The following DAB1 variants were observed in gnomAD, a reference collection of about 807,000 sequenced individuals.
DAB1 encodes the protein DAB adaptor protein 1, also known as disabled homolog 1.
A neutral mutation model predicts 64.6 loss-of-function variants in DAB1; 15 were observed. The observed-to-expected ratio is 0.23, with a 90% CI of 0.16 to 0.36. The LOEUF (loss-of-function observed/expected upper bound fraction) is 0.36, where lower values mean the gene tolerates loss of function less well. Ranked by LOEUF, DAB1 falls within the 10% of genes least tolerant of loss-of-function variation. The pLI, the probability that DAB1 is intolerant of heterozygous loss-of-function variation, is 1.00. For synonymous variants in DAB1, 235 were observed against 251.9 expected, an observed-to-expected ratio of 0.93 and a Z score of 0.64; for missense variants, 596 against 706.7, an observed-to-expected ratio of 0.84 and a Z score of 1.78.
At chr1:57,702,532 T>A (rs1304865306) in intron 6 of DAB1, among the ~76,000 whole-genome samples, 1 of 152,162 alleles carries the variant, frequency 6.6e-6, no homozygotes, top group East Asian at 1.9e-4. Context: ...TCTACCTCTA[T>A]GTTGGCATAA....
chr1:58,248,862 A>T (rs1265023546), intron 4 of DAB1, among the ~76,000 whole-genome samples: 1 of 152,140 alleles, frequency 6.6e-6, no homozygotes, highest in Non-Finnish European at 1.5e-5. Flanking sequence ...TTCCTTTTGC[A>T]CCCATTTAAT....
At chr1:58,211,919 C>T (rs1417677680) in intron 4 of DAB1, among the ~76,000 whole-genome samples, 3 of 152,090 alleles carry the variant, frequency 2.0e-5, no homozygotes, top group Non-Finnish European at 4.4e-5. Context: ...GGGGATGATC[C>T]ACAAGGCCAA....
In DAB1 at chr1:57,976,955, T is replaced by C. The variant is rs546711005; in HGVS notation, n.388-92793A>G. Among the ~76,000 whole-genome samples the C allele has an allele frequency of 5.9e-5, 9 of 152,272 alleles. No individual in the cohort carries two copies. In the East Asian group the frequency reaches 1.7e-3, roughly 29 times the overall value. Reference sequence around the variant, plus strand: ...AGTAATCTGGATTACCACAATAAGATGCCTCTGGTCTCCTAACACTCATGA... The same window carrying C: ...AGTAATCTGGATTACCACAATAAGACGCCTCTGGTCTCCTAACACTCATGA... On this transcript the variant is annotated intron_variant and non_coding_transcript_variant, in intron 5 of 20. Coordinates refer to the DAB1 transcript ENST00000485760.
At chr1:57,565,027 G>T (rs1645100672) in intron 7 of DAB1, among the ~76,000 whole-genome samples, 2 of 152,212 alleles carry the variant, frequency 1.3e-5, no homozygotes, top group Admixed American at 1.3e-4. Flanking sequence ...CAGAGAGAAA[G>T]GTCGGGTTAC....
intron 9 of DAB1, among the ~76,000 whole-genome samples, chr1:57,054,807 A>T (rs1479347779): frequency 6.6e-6 from 1 of 152,166 alleles, no homozygotes; most frequent in African/African-American, 2.4e-5. Context: ...AGTCACAAAA[A>T]AGTCAAGATA....
At chr1:58,545,813 T>C (rs1226419928) in intron 1 of DAB1, among the ~76,000 whole-genome samples, 2 of 152,206 alleles carry the variant, frequency 1.3e-5, no homozygotes, top group African/African-American at 4.8e-5. Context: ...AAATAGGACA[T>C]GTACTTTAAA....
intron 5 of DAB1, among the ~76,000 whole-genome samples, chr1:57,996,499 C>T (rs185510226): frequency 3.0e-4 from 45 of 152,226 alleles, no homozygotes; most frequent in African/African-American, 1.1e-3. Context: ...TTGAAATTCA[C>T]GTTCTTTATC....
chr1:57,306,304 G>A (rs571228907), intron 1 of DAB1, among the ~76,000 whole-genome samples: 2 of 152,086 alleles, frequency 1.3e-5, no homozygotes, highest in Admixed American at 6.5e-5. Context: ...ATGAGCCTGA[G>A]GGCTACCTGA....
intron 6 of DAB1, among the ~76,000 whole-genome samples, chr1:57,697,609 C>T (rs951501660): frequency 3.9e-5 from 6 of 152,052 alleles, no homozygotes; most frequent in Non-Finnish European, 7.4e-5. Context: ...ATAATACAGA[C>T]TTACTGAATT....
intron 4 of DAB1, among the ~76,000 whole-genome samples, chr1:58,282,824 C>T (rs759407997): frequency 2.6e-5 from 4 of 152,146 alleles, no homozygotes; most frequent in Non-Finnish European, 4.4e-5. Context: ...GAAGAGGGAG[C>T]GACTGCTCCC....
At position 57,069,340 on chromosome 1, in the gene DAB1, A is replaced by G. The variant is rs1187339671; in HGVS notation, c.663+20T>C. ...GTACTAGTAGTGGTGCAATGGTAAG[A>G]GAGGCAAGCAATTTTATACCTGATA... On this transcript the variant is annotated intron_variant, in intron 8 of 14. Coordinates refer to ENST00000371236, the MANE Select transcript of DAB1 (RefSeq NM_001365792.1). 1.2e-6 allele frequency: 2 copies of G among 1,602,996 alleles called. No individual in the cohort carries two copies. The highest frequency in any genetic ancestry group is 8.5e-7 in the Non-Finnish European group (1 of 1,170,086).
intron 6 of DAB1, among the ~76,000 whole-genome samples, chr1:57,724,505 T>A (rs1286572798): frequency 3.3e-5 from 5 of 152,194 alleles, no homozygotes; most frequent in African/African-American, 9.7e-5. Flanking sequence ...GAATGCCTAT[T>A]AACTTTTGCA....
intron 2 of DAB1, among the ~76,000 whole-genome samples, chr1:57,211,081 C>T (rs1311378856): frequency 6.6e-6 from 1 of 152,224 alleles, no homozygotes; most frequent in African/African-American, 2.4e-5. Flanking sequence ...AGTGTGACAG[C>T]ATCAGGCTGA....
intron 2 of DAB1, among the ~76,000 whole-genome samples, chr1:57,156,115 G>C (rs1660198604): frequency 6.6e-6 from 1 of 152,098 alleles, no homozygotes; most frequent in Non-Finnish European, 1.5e-5. Flanking sequence ...AAAGAGTCTG[G>C]AGGCTTCCAG....
At position 57,348,565 on chromosome 1, in the gene DAB1, C is replaced by T. The variant is rs148372466; in HGVS notation, c.-136-57399G>A. Among the ~76,000 whole-genome samples the T allele has an allele frequency of 7.5e-4, 114 of 152,244 alleles. 3 individuals carry two copies. The East Asian group carries it at 0.02, about 27-fold the overall frequency. ...CGTTGTACAGATGAAATAACTGAGG[C>T]ACAGTTATGTATACATCATCTGTTC... On this transcript the variant is annotated intron_variant, in intron 1 of 14. Transcript: ENST00000371236.
intron 11 of DAB1, among the ~76,000 whole-genome samples, chr1:57,020,105 T>C (rs575352179): frequency 2.0e-5 from 3 of 151,622 alleles, no homozygotes; most frequent in Admixed American, 6.5e-5. Context: ...AACAAAACAG[T>C]CACCAAAAAA....
intron 7 of DAB1, among the ~76,000 whole-genome samples, chr1:57,548,162 C>T (rs147234387): frequency 8.0e-4 from 122 of 152,164 alleles, no homozygotes; most frequent in African/African-American, 2.8e-3. Flanking sequence ...TAATAATTGC[C>T]CAACATTAGC....
intron 4 of DAB1, among the ~76,000 whole-genome samples, chr1:58,289,811 T>C (rs1246767703): frequency 6.6e-6 from 1 of 152,192 alleles, no homozygotes; most frequent in Non-Finnish European, 1.5e-5. Flanking sequence ...AGAGAATCTA[T>C]GCTAAAAGCA....
chr1:57,573,379 A>T (rs1645214612), intron 7 of DAB1, among the ~76,000 whole-genome samples: 1 of 152,200 alleles, frequency 6.6e-6, no homozygotes, highest in African/African-American at 2.4e-5. Context: ...GGCATGAGCC[A>T]CCATGCCTGA....
Sources: allele counts gnomAD v4.1 joint callset (sites outside exome capture counted in the v4.1 genomes callset), GRCh38; gene constraint gnomAD v4.1.1; transcripts MANE v1.5; gene names NCBI Gene and HGNC (gene_info 2026-07-23, HGNC 2026-07-21).